Variants in UNC79 observed in about 807,000 individuals in gnomAD.
UNC79 encodes the protein protein unc-79 homolog.
Under a neutral mutation model 283.1 loss-of-function variants are expected in UNC79, and 37 were observed. That is an observed-to-expected ratio of 0.13 (90% CI 0.10 to 0.17). The LOEUF (loss-of-function observed/expected upper bound fraction) is 0.17, where lower values mean the gene tolerates loss of function less well. UNC79 is among the 10% of genes least tolerant of loss of function. UNC79 has a pLI of 1.00. For synonymous variants in UNC79, 1,107 were observed against 1,200.2 expected, an observed-to-expected ratio of 0.92 and a Z score of 1.61; for missense variants, 2,272 against 3,211.1, an observed-to-expected ratio of 0.71 and a Z score of 7.07.
chr14:93,602,042 T>A (rs935297345), intron 25 of UNC79, among the ~76,000 whole-genome samples: 2 of 152,314 alleles, frequency 1.3e-5, no homozygotes, highest in Admixed American at 6.5e-5. Flanking sequence ...TTTTTCCCCA[T>A]TCAGTGGGTT....
At chr14:93,612,683 CA>C (rs1371911236) in intron 26 of UNC79, 113 bp from the exon 28 acceptor site, 1 of 1,409,220 alleles carries the variant, frequency 7.1e-7, no homozygotes, top group Non-Finnish European at 9.6e-7. Flanking sequence ...CTGTCTGGAG[CA>C]GAAAATTTTG....
intron 48 of UNC79, among the ~76,000 whole-genome samples, chr14:93,706,356 G>A (rs990491016): frequency 2.6e-5 from 4 of 152,186 alleles, no homozygotes; most frequent in African/African-American, 9.7e-5. Context: ...GATCCTGACA[G>A]CAGAACCCGG....
intron 48 of UNC79, among the ~76,000 whole-genome samples, chr14:93,704,901 G>A (rs187681789): frequency 1.2e-4 from 19 of 152,186 alleles, no homozygotes; most frequent in African/African-American, 3.6e-4. Context: ...AGTGGAGGGC[G>A]GTATCCCAGG....
Position 93,690,100 on chromosome 14 carries a change from T to G in UNC79, c.7086-17T>G. ...CAAAACATAAAATCATCTTTAACAC[T>G]CCTTCTTCTCTAATAGACCTAAAGA... On this transcript the variant is annotated splice_polypyrimidine_tract_variant and intron_variant, in intron 44 of 48. Transcript: ENST00000555664. This position sits in a 1 kb window ranked among gnomAD's most constrained non-coding sequence, Gnocchi z 4.3. The G allele has an allele frequency of 3.1e-6, 5 of 1,612,088 alleles. No homozygotes were observed. Among genetic ancestry groups the G allele is most frequent in the Non-Finnish European group, 4.2e-6 (5 of 1,178,670 alleles).
intron 20 of UNC79, among the ~76,000 whole-genome samples, chr14:93,585,922 C>A (rs2064194223): frequency 6.8e-6 from 1 of 146,916 alleles, no homozygotes; most frequent in Admixed American, 6.9e-5. Context: ...TGCTCTATTG[C>A]CCAGGCTGGA....
intron 35 of UNC79, among the ~76,000 whole-genome samples, chr14:93,652,041 C>G (rs1200747773): frequency 6.7e-6 from 1 of 149,568 alleles, no homozygotes; most frequent in Non-Finnish European, 1.5e-5. Context: ...GGATTACAGG[C>G]GTGAGCCACC....
At chr14:93,582,081 G>A in intron 19 of UNC79, 122 bp from the exon 20 acceptor site, 1 of 1,483,876 alleles carries the variant, frequency 6.7e-7, no homozygotes, top group Non-Finnish European at 9.2e-7. Flanking sequence ...CTTGGCCTCT[G>A]GCCTCAGCAG....
intron 1 of UNC79, among the ~76,000 whole-genome samples, chr14:93,377,096 CTTTTT>C (rs3059767): frequency 1.9e-5 from 2 of 108,052 alleles, no homozygotes; most frequent in African/African-American, 7.2e-5. Flanking sequence ...ATAGTTGTTT[CTTTTT>C]TTTTTTTTTT....
Position 93,682,819 on chromosome 14 carries a change from C to T in UNC79, c.6819+125C>T, listed in dbSNP as rs953547043. 39 of 799,856 alleles carry T rather than the reference C, an allele frequency of 4.9e-5. No homozygotes were observed. In the East Asian group the frequency reaches 9.0e-4, roughly 19 times the overall value. 49.5% of individuals were successfully genotyped at this position (799,856 alleles called of 1,614,324 possible). The stretch of plus-strand genomic sequence containing the variant: ...TTTACTAGCTATGTGACTTTTGGAA[C>T]GTATTTTAACCTATAATTCTTTGAT... On this transcript the variant is annotated intron_variant, in intron 42 of 48. Coordinates refer to ENST00000555664, the Ensembl canonical transcript of UNC79.
chr14:93,578,492 A>G (rs1207177575), intron 18 of UNC79, among the ~76,000 whole-genome samples: 1 of 152,226 alleles, frequency 6.6e-6, no homozygotes, highest in African/African-American at 2.4e-5. Context: ...TTATTTTGAA[A>G]TAATTTCAGA....
intron 5 of UNC79, among the ~76,000 whole-genome samples, chr14:93,490,278 T>C (rs2058659166): frequency 6.6e-6 from 1 of 152,144 alleles, no homozygotes; most frequent in Admixed American, 6.5e-5. Flanking sequence ...TCTTATTAAA[T>C]GGTCACTTGG....
intron 24 of UNC79, among the ~76,000 whole-genome samples, chr14:93,597,865 A>G (rs2065186949): frequency 6.6e-6 from 1 of 152,138 alleles, no homozygotes; most frequent in Non-Finnish European, 1.5e-5. Context: ...TTCAACAGGA[A>G]TTTGGGGGTG....
chr14:93,539,684 C>T (rs747324310), intron 12 of UNC79, among the ~76,000 whole-genome samples: 3 of 152,002 alleles, frequency 2.0e-5, no homozygotes, highest in Non-Finnish European at 2.9e-5. Context: ...GAAATAAAAA[C>T]ACTCAGCCAT....
intron 11 of UNC79, 35 bp from the exon 12 acceptor site, chr14:93,537,954 T>C: frequency 6.3e-7 from 1 of 1,577,434 alleles, no homozygotes; most frequent in Non-Finnish European, 8.6e-7. Flanking sequence ...ACCTCGGTGG[T>C]CAATTTTAAT....
intron 26 of UNC79, among the ~76,000 whole-genome samples, chr14:93,608,392 G>A (rs982848202): frequency 2.6e-5 from 4 of 152,200 alleles, no homozygotes; most frequent in Non-Finnish European, 5.9e-5. Context: ...TCATGGACAG[G>A]TGGCTTTTCA....
chr14:93,407,402 TAACTTGAGACATAAA>T (rs990908275), intron 1 of UNC79, among the ~76,000 whole-genome samples: 1 of 152,184 alleles, frequency 6.6e-6, no homozygotes, highest in African/African-American at 2.4e-5. Context: ...GAGTGTGGAC[TAACTTGAGACATAAA>T]AACTCTTGAG....
At chr14:93,577,983 A>G in exon 18 of UNC79, 1 of 1,614,232 alleles carries the variant, frequency 6.2e-7, no homozygotes, top group Non-Finnish European at 8.5e-7. Context: ...CCCAGGAGGA[A>G]GGACTATTGA....
chr14:93,368,765 C>G (rs542225329), intron 1 of UNC79, among the ~76,000 whole-genome samples: 86 of 152,254 alleles, frequency 5.6e-4, no homozygotes, highest in African/African-American at 2.0e-3. Flanking sequence ...AGCCACTGTG[C>G]CTGGCTCAAA....
intron 8 of UNC79, 102 bp downstream of exon 8, chr14:93,524,144 C>G (rs2060443516): frequency 7.7e-7 from 1 of 1,291,522 alleles, no homozygotes; most frequent in Non-Finnish European, 1.1e-6. Flanking sequence ...AGAGGCATGT[C>G]CTCTGTAGTA....
Sources: allele counts gnomAD v4.1 joint callset (sites outside exome capture counted in the v4.1 genomes callset), GRCh38; gene constraint gnomAD v4.1.1; non-coding constraint Gnocchi (gnomAD v3.1); transcripts MANE v1.5; gene names NCBI Gene and HGNC (gene_info 2026-07-23, HGNC 2026-07-21).